The following WDR19 variants were observed in gnomAD, a reference collection of about 807,000 sequenced individuals.
WDR19 encodes WD repeat-containing protein 19.
A neutral mutation model predicts 180.0 loss-of-function variants in WDR19; 121 were observed. The ratio of observed to expected loss-of-function variants is 0.67; its 90% CI spans 0.58 to 0.78. The LOEUF (loss-of-function observed/expected upper bound fraction) is 0.78. WDR19 is among the 30% of genes least tolerant of loss of function. The pLI is 0.00. For synonymous variants in WDR19, 497 were observed against 540.7 expected (o/e 0.92, Z 1.12); for missense variants, 1,450 against 1,640.7 (o/e 0.88, Z 2.01).
chr4:39,230,036 C>G (rs186985102), intron 17 of WDR19, among the ~76,000 whole-genome samples: 3 of 152,178 alleles, frequency 2.0e-5, no homozygotes, highest in Non-Finnish European at 4.4e-5. Flanking sequence ...AGCCTTGTAA[C>G]GATCTCATCT....
chr4:39,248,896 A>G (rs1478506394), intron 24 of WDR19, among the ~76,000 whole-genome samples: 1 of 152,174 alleles, frequency 6.6e-6, no homozygotes, highest in East Asian at 1.9e-4. Context: ...CTCCCACACA[A>G]TAATAATGGG....
intron 10 of WDR19, 48 bp from the exon 11 acceptor site, chr4:39,215,793 A>G: frequency 2.0e-6 from 3 of 1,519,178 alleles, no homozygotes; most frequent in Non-Finnish European, 8.9e-7. Flanking sequence ...TGCTGCCTGC[A>G]ACTATATATT....
chr4:39,268,001 A>C lies in WDR19; in HGVS notation c.3268A>C (p.Lys1090Gln), dbSNP rs147302274. ...ATAATGGTTTATGTGTCAGGATGCC[A>C]AGTACCTGTTCCGCTTGTACATGGC... Reference protein sequence around the residue: ...GENDGMPKDAKYLFRLYMALK... With the variant: ...GENDGMPKDAQYLFRLYMALK... Residue 1090 changes from lysine to glutamine, a missense_variant, in exon 30 of 37, where the codon AAG (lysine) becomes CAG (glutamine). Coordinates refer to ENST00000399820, the MANE Select transcript of WDR19 (RefSeq NM_025132.4). The C allele has an allele frequency of 1.8e-4, 285 of 1,601,968 alleles. No individual in the cohort carries two copies. The African/African-American group carries it at 3.0e-3, about 17-fold the overall frequency.
intron 4 of WDR19, among the ~76,000 whole-genome samples, chr4:39,191,782 A>G (rs1295033450): frequency 1.3e-5 from 2 of 152,144 alleles, no homozygotes; most frequent in African/African-American, 4.8e-5. Flanking sequence ...TTTTAAATTG[A>G]CCTTGAGTTG....
chr4:39,185,526 C>T (rs1242534459), intron 1 of WDR19, among the ~76,000 whole-genome samples, 200 bp from the exon 2 acceptor site: 2 of 152,068 alleles, frequency 1.3e-5, no homozygotes, highest in African/African-American at 4.8e-5. Context: ...CTGTAATTTA[C>T]CAAGTAGTTG....
chr4:39,277,346 C>T (rs942539936), intron 34 of WDR19, among the ~76,000 whole-genome samples: 11 of 152,286 alleles, frequency 7.2e-5, no homozygotes, highest in African/African-American at 2.4e-4. Context: ...ACTATCACTG[C>T]AGGACCAAAT....
At chr4:39,217,627 T>C (rs568148718) in intron 13 of WDR19, among the ~76,000 whole-genome samples, 14 of 152,302 alleles carry the variant, frequency 9.2e-5, no homozygotes, top group Admixed American at 2.0e-4. Flanking sequence ...TGGGGGGGTC[T>C]TTGAAACCAT....
chr4:39,220,746 G>A (rs9992919), intron 14 of WDR19, among the ~76,000 whole-genome samples: 9,653 of 150,074 alleles, frequency 0.064, 1,031 homozygotes, highest in African/African-American at 0.22. Flanking sequence ...CTGACCTCGT[G>A]ATCCACCCGC....
intron 9 of WDR19, among the ~76,000 whole-genome samples, chr4:39,212,254 G>T (rs1728621505): frequency 6.6e-6 from 1 of 152,022 alleles, no homozygotes; most frequent in South Asian, 2.1e-4. Context: ...TCAACAAATG[G>T]TACTGGGGCA....
chr4:39,212,761 G>A (rs928876749), intron 9 of WDR19, among the ~76,000 whole-genome samples: 1 of 152,136 alleles, frequency 6.6e-6, no homozygotes, highest in African/African-American at 2.4e-5. Context: ...TATGTCATAT[G>A]TTTAACATCT....
At position 39,257,522 on chromosome 4, in the gene WDR19, G is replaced by T. The variant is rs1387754769; in HGVS notation, c.3151G>T (p.Asp1051Tyr). The change falls in exon 28 of 37, where the codon GAT becomes TAT. Residue 1051 changes from aspartate (D) to tyrosine (Y), a missense_variant. By Grantham distance (160) the Asp-to-Tyr change is radical. Coordinates refer to ENST00000399820, the MANE Select transcript of WDR19 (RefSeq NM_025132.4). ...CTTCCTGAAATGCCCAAGCTCGGAA[G>T]ATAATGTGGCAATAGAAATGGCAAT... ...KHFLKCPSSE[D>Y]NVAIEMAIET... The T allele has an allele frequency of 1.9e-6, 3 of 1,590,650 alleles. No homozygotes were observed. The highest frequency in any genetic ancestry group is 2.6e-6 in the Non-Finnish European group (3 of 1,167,574).
At chr4:39,223,726 T>A (rs1027070326) in intron 14 of WDR19, among the ~76,000 whole-genome samples, 17 of 152,230 alleles carry the variant, frequency 1.1e-4, no homozygotes, top group Admixed American at 7.2e-4. Flanking sequence ...TGTGTATCTG[T>A]TCTTCCACCA....
At chr4:39,259,421 T>C (rs1186020192) in intron 28 of WDR19, among the ~76,000 whole-genome samples, 1 of 152,248 alleles carries the variant, frequency 6.6e-6, no homozygotes, top group East Asian at 1.9e-4. Flanking sequence ...TCTTGATTAC[T>C]ATATGTATTA....
rs1409790963 is a variant in WDR19 at position 39,215,950 on chromosome 4, C to A, written c.1071C>A (p.Cys357Ter). 1 of 1,613,482 alleles carries A rather than the reference C, an allele frequency of 6.2e-7. No homozygotes were observed. Among genetic ancestry groups the A allele is most frequent in the South Asian group, 1.1e-5 (1 of 90,950 alleles). ...AGCTTCCCATACTTGGGGATGCCTG[C>A]AGCACAAGGATTGCCTATCTCACCT... is the stretch of plus-strand genomic sequence containing the variant. The part of the protein sequence containing the change: ...LTKLPILGDA[C>*]STRIAYLTSL... Residue 357 changes from cysteine to a stop codon, truncating the protein, a stop_gained, in exon 11 of 37, where the codon TGC becomes TGA. Coordinates refer to ENST00000399820, the MANE Select transcript of WDR19 (RefSeq NM_025132.4). LOFTEE classifies it high-confidence loss of function.
intron 17 of WDR19, among the ~76,000 whole-genome samples, chr4:39,230,205 C>T (rs1462334145): frequency 6.6e-6 from 1 of 152,236 alleles, no homozygotes; most frequent in Non-Finnish European, 1.5e-5. Context: ...ACTGTCTCCA[C>T]TCAAGTCCCT....
chr4:39,248,610 C>T, intron 24 of WDR19, among the ~76,000 whole-genome samples: 1 of 152,106 alleles, frequency 6.6e-6, no homozygotes, highest in East Asian at 1.9e-4. Context: ...GGAGACCCAT[C>T]TCACGTGCAG....
In WDR19 at chr4:39,194,564, T is replaced by G; in HGVS notation, c.311T>G (p.Leu104Arg). 1 of 1,612,634 alleles carries G rather than the reference T, an allele frequency of 6.2e-7. No individual in the cohort carries two copies. Among genetic ancestry groups the G allele is most frequent in the South Asian group, 1.1e-5 (1 of 90,760 alleles). ...NGMRDQMSFLLWSKVGSFLAV... is the reference protein window; with the variant it reads ...NGMRDQMSFLRWSKVGSFLAV... ...TACAGGGATCAAATGTCTTTCCTTC[T>G]TTGGTCAAAAGTTGGAAGTTTCCTG... The change falls in exon 5 of 37, where the codon CTT (leucine) becomes CGT (arginine). Residue 104 changes from leucine (L) to arginine (R), a missense_variant. Physicochemically the swap from Leu to Arg is moderately radical, Grantham distance 102. Coordinates refer to ENST00000399820, the MANE Select transcript of WDR19 (RefSeq NM_025132.4).
At chr4:39,276,438 G>A (rs1420668075) in intron 33 of WDR19, among the ~76,000 whole-genome samples, 1 of 152,148 alleles carries the variant, frequency 6.6e-6, no homozygotes, top group East Asian at 1.9e-4. Context: ...CTCTCCCCAT[G>A]CACAAATGGT....
intron 28 of WDR19, among the ~76,000 whole-genome samples, chr4:39,261,570 A>G (rs1295709490): frequency 6.6e-6 from 1 of 152,220 alleles, no homozygotes; most frequent in Non-Finnish European, 1.5e-5. Context: ...ACAGGGATGG[A>G]ATATCATGCC....
Sources: allele counts gnomAD v4.1 joint callset (sites outside exome capture counted in the v4.1 genomes callset), GRCh38; gene constraint gnomAD v4.1.1; transcripts MANE v1.5; gene names NCBI Gene and HGNC (gene_info 2026-07-23, HGNC 2026-07-21).